WDPCP: variants seen among roughly 807,000 people sequenced by gnomAD.
WDPCP encodes WD repeat-containing and planar cell polarity effector protein fritz homolog.
In WDPCP, 71 loss-of-function variants were observed where a neutral mutation model predicts 93.1. The ratio of observed to expected loss-of-function variants is 0.76; its 90% confidence interval spans 0.63 to 0.93. WDPCP has a LOEUF of 0.93. WDPCP is among the 40% of genes least tolerant of loss of function. The pLI is 0.00. For synonymous variants in WDPCP, 315 were observed against 315.0 expected, an observed-to-expected ratio of 1.00 and a Z score of 0.00; for missense variants, 844 against 887.4, an observed-to-expected ratio of 0.95 and a Z score of 0.62.
At chr2:63,416,393 TTTCGCC>T (rs1695422153) in intron 9 of WDPCP, among the ~76,000 whole-genome samples, 1 of 146,094 alleles carries the variant, frequency 6.8e-6, no homozygotes, top group African/African-American at 2.5e-5. Flanking sequence ...AGAGACAGGG[TTTCGCC>T]ATGTTGGCCC....
At chr2:63,474,218 G>T (rs1274482678) in intron 6 of WDPCP, among the ~76,000 whole-genome samples, 1 of 151,974 alleles carries the variant, frequency 6.6e-6, no homozygotes, top group East Asian at 1.9e-4. Context: ...CCAATTACAG[G>T]ATATCAGAGG....
At chr2:63,216,399 C>T (rs1197102317) in intron 14 of WDPCP, among the ~76,000 whole-genome samples, 1 of 152,122 alleles carries the variant, frequency 6.6e-6, no homozygotes, top group African/African-American at 2.4e-5. Context: ...GAGTTCATGT[C>T]CATTCTAGGG....
At chr2:63,588,739 C>T (rs1399651124), upstream of WDPCP, 3 of 507,982 alleles carry the variant, frequency 5.9e-6, no homozygotes, top group Non-Finnish European at 1.1e-5. Flanking sequence ...CGTTTGTTGT[C>T]GTCCTCCAAT....
chr2:63,477,808 A>T (rs1440295909), intron 6 of WDPCP: 1 of 152,184 alleles, frequency 6.6e-6, no homozygotes, highest in African/African-American at 2.4e-5. Flanking sequence ...GAAGGATCTC[A>T]CCTTACCTGG....
intron 13 of WDPCP, among the ~76,000 whole-genome samples, chr2:63,292,616 A>G (rs1684530186): frequency 6.6e-6 from 1 of 152,158 alleles, no homozygotes; most frequent in Admixed American, 6.5e-5. Context: ...TAAGGACCCA[A>G]AGGGGACCAC....
chr2:63,508,203 C>T (rs577440422), intron 1 of WDPCP, among the ~76,000 whole-genome samples: 1 of 152,118 alleles, frequency 6.6e-6, no homozygotes, highest in Non-Finnish European at 1.5e-5. Context: ...GGGTTACCCA[C>T]AAAGGAAAGC....
chr2:63,614,865 T>C (rs778321684), intron 3 of WDPCP, among the ~76,000 whole-genome samples: 28 of 152,210 alleles, frequency 1.8e-4, no homozygotes. Flanking sequence ...ATACCCTGTA[T>C]CCAATCACAT....
chr2:63,601,158 G>A (rs936858595), intron 3 of WDPCP, among the ~76,000 whole-genome samples: 1 of 152,186 alleles, frequency 6.6e-6, no homozygotes, highest in Non-Finnish European at 1.5e-5. Context: ...GCTAGGCATT[G>A]TTTCAGCATG....
intron 9 of WDPCP, among the ~76,000 whole-genome samples, chr2:63,416,869 A>G (rs1381196994): frequency 6.6e-6 from 1 of 152,188 alleles, no homozygotes; most frequent in Middle Eastern, 3.2e-3. Context: ...GGTTCAGAAT[A>G]TAATTCCAAG....
chr2:63,162,366 A>T (rs952894071), intron 15 of WDPCP, among the ~76,000 whole-genome samples: 1 of 151,988 alleles, frequency 6.6e-6, no homozygotes, highest in African/African-American at 2.4e-5. Flanking sequence ...TTCCTGATTT[A>T]TCAATAGTTT....
chr2:63,461,912 A>G (rs926026077), intron 6 of WDPCP, among the ~76,000 whole-genome samples: 1 of 152,158 alleles, frequency 6.6e-6, no homozygotes, highest in Non-Finnish European at 1.5e-5. Context: ...TGTTTTTTAA[A>G]AAGTTCAACC....
intron 13 of WDPCP, among the ~76,000 whole-genome samples, chr2:63,286,995 CA>C (rs1684052964): frequency 6.6e-6 from 1 of 152,176 alleles, no homozygotes; most frequent in Non-Finnish European, 1.5e-5. Context: ...GCTGGAAATT[CA>C]TTGTCAAACT....
At chr2:63,773,311 T>C (rs1670257079) in intron 2 of WDPCP, among the ~76,000 whole-genome samples, 1 of 151,944 alleles carries the variant, frequency 6.6e-6, no homozygotes, top group Admixed American at 6.6e-5. Flanking sequence ...TCATAAGCAA[T>C]ATGTTGAATG....
At chr2:63,148,898 C>A (rs1162437114) in intron 17 of WDPCP, among the ~76,000 whole-genome samples, 1 of 150,814 alleles carries the variant, frequency 6.6e-6, no homozygotes, top group Non-Finnish European at 1.5e-5. Context: ...ACATCCCAAA[C>A]CCCAATGGAT....
intron 4 of WDPCP, among the ~76,000 whole-genome samples, chr2:63,485,832 T>C (rs997534531): frequency 2.0e-5 from 3 of 151,850 alleles, no homozygotes; most frequent in East Asian, 1.9e-4. Context: ...TACATATACA[T>C]AGTATACATA....
At chr2:63,336,820 T>C (rs1688406966) in intron 12 of WDPCP, among the ~76,000 whole-genome samples, 1 of 151,468 alleles carries the variant, frequency 6.6e-6, no homozygotes, top group Admixed American at 6.6e-5. Context: ...TATATATTTT[T>C]CCCCTTTTAT....
At chr2:63,726,919 TG>T (rs1400273745) in intron 2 of WDPCP, among the ~76,000 whole-genome samples, 1 of 152,176 alleles carries the variant, frequency 6.6e-6, no homozygotes, top group Non-Finnish European at 1.5e-5. Flanking sequence ...CAGCTGAAGT[TG>T]TTTATCAGAT....
At chr2:63,639,882 G>A (rs1709961856) in intron 3 of WDPCP, among the ~76,000 whole-genome samples, 1 of 152,240 alleles carries the variant, frequency 6.6e-6, no homozygotes, top group South Asian at 2.1e-4. Context: ...AGTCATTATG[G>A]AAAACATTAT....
chr2:63,596,578 G>A (rs955298854), intron 3 of WDPCP, among the ~76,000 whole-genome samples: 4 of 152,188 alleles, frequency 2.6e-5, no homozygotes, highest in African/African-American at 9.6e-5. Context: ...AGCAAATAAG[G>A]ACATGTGACT....
Sources: allele counts gnomAD v4.1 joint callset (sites outside exome capture counted in the v4.1 genomes callset), GRCh38; gene constraint gnomAD v4.1.1; transcripts MANE v1.5; gene names NCBI Gene and HGNC (gene_info 2026-07-23, HGNC 2026-07-21).